The following PLXNA4 variants were observed in gnomAD, a reference collection of about 807,000 sequenced individuals.
The protein encoded by PLXNA4 is plexin A4, also known as plexin-A4.
A neutral mutation model predicts 191.8 loss-of-function variants in PLXNA4; 44 were observed. The ratio of observed to expected loss-of-function variants is 0.23; its 90% CI spans 0.18 to 0.29. The LOEUF (loss-of-function observed/expected upper bound fraction) is 0.29. Among genes scored for constraint, PLXNA4 ranks in the 10% least tolerant of loss-of-function variants. PLXNA4 has a pLI of 1.00. For synonymous variants in PLXNA4, 1,082 were observed against 1,009.5 expected, an observed-to-expected ratio of 1.07 and a Z score of -1.36; for missense variants, 1,800 against 2,488.8, an observed-to-expected ratio of 0.72 and a Z score of 5.89.
chr7:132,456,911 G>A (rs1796336094), intron 3 of PLXNA4, among the ~76,000 whole-genome samples: 1 of 152,124 alleles, frequency 6.6e-6, no homozygotes, highest in African/African-American at 2.4e-5. Flanking sequence ...CACTTTAATG[G>A]TTCTGTATTT....
chr7:132,375,282 G>GCCCCCCCCCCCCCCCC (rs67189242), intron 3 of PLXNA4, among the ~76,000 whole-genome samples: 2 of 142,534 alleles, frequency 1.4e-5, no homozygotes, highest in Non-Finnish European at 1.5e-5. Context: ...ACTCCATCCC[G>GCCCCCCCCCCCCCCCC]CCCCCCCCCA....
In PLXNA4 at chr7:132,206,411, T is replaced by C. The variant is rs555926377; in HGVS notation, c.2299-2992A>G. On this transcript the variant is annotated intron_variant, in intron 10 of 31. Coordinates refer to ENST00000321063, the MANE Select transcript of PLXNA4 (RefSeq NM_020911.2). The stretch of plus-strand genomic sequence containing the variant: ...GACCCTTAATATGTATGGGGATGTA[T>C]ACATATGAGAACGCTTATGTTTTCT... Among the ~76,000 whole-genome samples, 7 of 151,282 alleles carry C rather than the reference T, an allele frequency of 4.6e-5. No homozygotes were observed. In the South Asian group the frequency reaches 1.5e-3, roughly 32 times the overall value.
chr7:132,409,064 G>C (rs780843803), intron 3 of PLXNA4, among the ~76,000 whole-genome samples: 8 of 152,164 alleles, frequency 5.3e-5, no homozygotes, highest in Non-Finnish European at 1.2e-4. Context: ...ACATGGACTT[G>C]GATGGTCTTC....
intron 14 of PLXNA4, among the ~76,000 whole-genome samples, chr7:132,189,303 C>T (rs1414747923): frequency 6.6e-6 from 1 of 151,898 alleles, no homozygotes; most frequent in Non-Finnish European, 1.5e-5. Flanking sequence ...ATTAATTATT[C>T]AAGCCATGCT....
At chr7:132,400,128 G>T (rs1793927619) in intron 3 of PLXNA4, among the ~76,000 whole-genome samples, 1 of 152,084 alleles carries the variant, frequency 6.6e-6, no homozygotes, top group Non-Finnish European at 1.5e-5. Context: ...ACAGACAAAT[G>T]CCTACCTAGT....
intron 3 of PLXNA4, among the ~76,000 whole-genome samples, chr7:132,309,731 G>A (rs1358546157): frequency 6.6e-6 from 1 of 152,148 alleles, no homozygotes; most frequent in Non-Finnish European, 1.5e-5. Flanking sequence ...CTGTCTAGCT[G>A]GAGGCCCAAA....
intron 1 of PLXNA4, among the ~76,000 whole-genome samples, chr7:132,537,645 C>T (rs1323270244): frequency 6.6e-6 from 1 of 152,214 alleles, no homozygotes; most frequent in Non-Finnish European, 1.5e-5. Flanking sequence ...GAGGCATCTA[C>T]TCAACATGCT....
At chr7:132,452,555 C>G (rs1380030597) in intron 3 of PLXNA4, among the ~76,000 whole-genome samples, 1 of 152,186 alleles carries the variant, frequency 6.6e-6, no homozygotes, top group Admixed American at 6.5e-5. Context: ...ATTAGTGAGC[C>G]CTCACACACT....
Position 132,228,333 on chromosome 7 carries a change from C to G in PLXNA4, c.1728+13G>C. 6.2e-7 allele frequency: 1 copy of G among 1,614,050 alleles called. No individual in the cohort carries two copies. The highest frequency in any genetic ancestry group is 8.5e-7 in the Non-Finnish European group (1 of 1,179,972). ...GCATCCCTGGACCCCACCCCAACCC[C>G]CACGACCCTTACCAGCACGTTGTAC... On this transcript the variant is annotated intron_variant, in intron 6 of 31. Transcript: ENST00000321063.
intron 3 of PLXNA4, among the ~76,000 whole-genome samples, chr7:132,419,840 G>A (rs1794789079): frequency 6.6e-6 from 1 of 152,192 alleles, no homozygotes; most frequent in Admixed American, 6.5e-5. Context: ...GAATGTGGCT[G>A]TGTTCCAACA....
rs112398346 is a variant in PLXNA4, at chr7:132,234,216, C to T, written c.1605-5747G>A. ...AGAATGCTGCCTATTACCTGAGACA[C>T]ATTCCAACAATGACTCCAGTTGATT... On this transcript the variant is annotated intron_variant, in intron 5 of 31. Transcript: ENST00000321063. Among the ~76,000 whole-genome samples the T allele has an allele frequency of 9.1e-3, 1,390 of 152,314 alleles. 21 individuals are homozygous for T. Among genetic ancestry groups the T allele is most frequent in the African/African-American group, 0.031 (1,303 of 41,566 alleles).
At chr7:132,284,428 A>C (rs914569760) in intron 4 of PLXNA4, among the ~76,000 whole-genome samples, 3 of 152,220 alleles carry the variant, frequency 2.0e-5, no homozygotes, top group African/African-American at 7.2e-5. Context: ...CTTTAATGAG[A>C]GTGAACATTT....
intron 1 of PLXNA4, among the ~76,000 whole-genome samples, chr7:132,559,559 G>C (rs191731037): frequency 6.6e-6 from 1 of 152,188 alleles, no homozygotes; most frequent in Admixed American, 6.5e-5. Context: ...CCATCCCCAA[G>C]TCTCACTACC....
At chr7:132,640,167 G>T (rs1803710575) in intron 2 of PLXNA4, among the ~76,000 whole-genome samples, 2 of 152,214 alleles carry the variant, frequency 1.3e-5, no homozygotes, top group African/African-American at 2.4e-5. Flanking sequence ...AGATGGCAGT[G>T]AGCCAACAGA....
At position 132,347,316 on chromosome 7, in the gene PLXNA4, G is replaced by A. The variant is rs768414062; in HGVS notation, c.1372-49094C>T. Among the ~76,000 whole-genome samples the A allele has an allele frequency of 3.3e-4, 50 of 152,146 alleles. 1 individual carries two copies. The highest frequency in any genetic ancestry group is 8.5e-4 in the Admixed American group (13 of 15,272). On this transcript the variant is annotated intron_variant, in intron 3 of 31. Transcript: ENST00000321063. ...CATATGAGGCGGGAAGCAGCAATGC[G>A]TCTCCATGACAACCACCCAGGCCAA...
chr7:132,409,303 C>T (rs540753782), intron 3 of PLXNA4, among the ~76,000 whole-genome samples: 1 of 152,334 alleles, frequency 6.6e-6, no homozygotes, highest in South Asian at 2.1e-4. Flanking sequence ...GTGGCCCACA[C>T]AGGCACAGCA....
chr7:132,242,394 C>T (rs182033515), intron 4 of PLXNA4, among the ~76,000 whole-genome samples: 4 of 152,218 alleles, frequency 2.6e-5, no homozygotes, highest in Non-Finnish European at 5.9e-5. Flanking sequence ...GGGCATGTGC[C>T]TCTGTAAAAT....
intron 4 of PLXNA4, among the ~76,000 whole-genome samples, chr7:132,246,802 A>C (rs573180396): frequency 6.0e-5 from 9 of 149,944 alleles, no homozygotes; most frequent in South Asian, 4.4e-4. Context: ...CATCATCATC[A>C]TCATCCTCAT....
rs569133892 is a variant in PLXNA4 at position 132,277,209 on chromosome 7, T to C, written c.1503+20882A>G. Reference sequence around the variant, plus strand: ...CTTATTCAGGGAATACTTGGCACTGTGGCTTAAGTGGGGGAAGCTGGATCT... The same window carrying C: ...CTTATTCAGGGAATACTTGGCACTGCGGCTTAAGTGGGGGAAGCTGGATCT... On this transcript the variant is annotated intron_variant, in intron 4 of 31. Coordinates refer to ENST00000321063, the MANE Select transcript of PLXNA4 (RefSeq NM_020911.2). Among the ~76,000 whole-genome samples the C allele has an allele frequency of 5.9e-5, 9 of 152,290 alleles. No homozygotes were observed. The East Asian group carries it at 1.5e-3, about 26-fold the overall frequency.
Sources: gnomAD v4.1 joint callset for allele counts (sites outside exome capture counted in the v4.1 genomes callset) on GRCh38, gnomAD v4.1.1 for gene constraint, MANE v1.5 for transcripts, NCBI Gene and HGNC (gene_info 2026-07-23, HGNC 2026-07-21) for gene names.